The following MYO5A variants were observed in gnomAD, a reference collection of about 807,000 sequenced individuals.
The protein encoded by MYO5A is unconventional myosin-Va.
MYO5A carries 98 observed loss-of-function variants against 249.7 expected under a neutral mutation model. The ratio of observed to expected loss-of-function variants is 0.39; its 90% CI spans 0.33 to 0.46. MYO5A has a LOEUF of 0.46. Among genes scored for constraint, MYO5A ranks in the 20% least tolerant of loss-of-function variants. The pLI, the probability that MYO5A is intolerant of heterozygous loss-of-function variation, is 0.98. For missense variants in MYO5A, 1,696 were observed against 2,308.8 expected (o/e 0.73, Z 5.44); for synonymous variants, 778 against 810.6 (o/e 0.96, Z 0.68).
At chr15:52,489,410 A>G (rs1407802777) in intron 1 of MYO5A, among the ~76,000 whole-genome samples, 1 of 152,088 alleles carries the variant, frequency 6.6e-6, no homozygotes, top group East Asian at 1.9e-4. Flanking sequence ...TAAAAATACA[A>G]AAAATTAGCC....
At chr15:52,337,510 C>G (rs950211937) in intron 33 of MYO5A, among the ~76,000 whole-genome samples, 1 of 152,230 alleles carries the variant, frequency 6.6e-6, no homozygotes. Context: ...TTAAAGGGAA[C>G]AGTTGCTATC....
intron 1 of MYO5A, among the ~76,000 whole-genome samples, chr15:52,507,884 T>C (rs1373705507): frequency 6.6e-6 from 1 of 151,106 alleles, no homozygotes; most frequent in East Asian, 1.9e-4. Flanking sequence ...TAGATTTTTA[T>C]AAATTATTTA....
rs2038684812 is a variant in MYO5A, at chr15:52,327,891, C to G, written c.4671G>C (p.Leu1557Phe). Residue 1557 changes from leucine (L) to phenylalanine (F), a missense_variant, in exon 36 of 42, where the codon TTG becomes TTC. Physicochemically the swap from Leu to Phe is conservative, Grantham distance 22 (BLOSUM62 0). Coordinates refer to ENST00000399233, the MANE Select transcript of MYO5A (RefSeq NM_001382347.1). ...YLNDDQKVRS[L>F]LTSTINSIKK... ...TGATGCTGTTAATTGTTGATGTTAG[C>G]AACGACCTTACTTTCTGATCATCAT... is the stretch of plus-strand genomic sequence containing the variant. 6.2e-7 allele frequency: 1 copy of G among 1,613,946 alleles called. No individual in the cohort carries two copies. Among genetic ancestry groups the G allele is most frequent in the Non-Finnish European group, 8.5e-7 (1 of 1,179,888 alleles).
rs2041758652 is a variant in MYO5A at position 52,381,893 on chromosome 15, CTTTTTCTTTTCCT to C, written c.2012+1185_2012+1197del. On this transcript the variant is annotated intron_variant, in intron 16 of 41. Transcript: ENST00000399233. ...GTTATCTCTCTGGGTATGATGGATG[CTTTTTCTTTTCCT>C]TTTTTCTTTTTTTGAGACGAAGTCT... 2.0e-5 allele frequency among the ~76,000 whole-genome samples: 3 copies of C among 151,984 alleles called. No individual in the cohort carries two copies. In the South Asian group the frequency reaches 6.2e-4, roughly 31 times the overall value.
In MYO5A at chr15:52,340,397, G is replaced by A; in HGVS notation, c.4041-3C>T. 1 of 1,611,492 alleles carries A rather than the reference G, an allele frequency of 6.2e-7. No individual in the cohort carries two copies. ...ACTGCAGCTGGGATTCCAGGAGCCTGCGGAGAGGACACATGGGTCGGAAGG... is the reference window on the plus strand; with the variant it reads ...ACTGCAGCTGGGATTCCAGGAGCCTACGGAGAGGACACATGGGTCGGAAGG... On this transcript the variant is annotated splice_polypyrimidine_tract_variant and splice_region_variant and intron_variant, in intron 31 of 41. Coordinates refer to ENST00000399233, the MANE Select transcript of MYO5A (RefSeq NM_001382347.1).
chr15:52,360,635 C>G (rs28462026), intron 24 of MYO5A, among the ~76,000 whole-genome samples: 2 of 151,980 alleles, frequency 1.3e-5, no homozygotes, highest in African/African-American at 2.4e-5. Context: ...GGACAGTACA[C>G]GGGAGGTAAG....
At chr15:52,468,640 A>G (rs1226009280) in intron 1 of MYO5A, among the ~76,000 whole-genome samples, 4 of 152,250 alleles carry the variant, frequency 2.6e-5, no homozygotes, top group Non-Finnish European at 5.9e-5. Flanking sequence ...AGTGCACTCC[A>G]GCCTTGGTGA....
At chr15:52,398,305 GAGT>G (rs1262198463) in intron 9 of MYO5A, among the ~76,000 whole-genome samples, 2 of 152,186 alleles carry the variant, frequency 1.3e-5, no homozygotes, top group African/African-American at 4.8e-5. Flanking sequence ...AGACTTGCAT[GAGT>G]AGATGTTTGA....
At chr15:52,431,682 T>A (rs867543495) in intron 2 of MYO5A, among the ~76,000 whole-genome samples, 9 of 20,176 alleles carry the variant, frequency 4.5e-4, no homozygotes, top group African/African-American at 9.7e-4. Context: ...AAGTGCTATA[T>A]CTAAAAAAAA....
At chr15:52,457,583 G>A (rs1222727611) in intron 1 of MYO5A, among the ~76,000 whole-genome samples, 2 of 152,140 alleles carry the variant, frequency 1.3e-5, no homozygotes, top group African/African-American at 4.8e-5. Flanking sequence ...CCGTTAGAAT[G>A]ACTTTTATCA....
intron 1 of MYO5A, among the ~76,000 whole-genome samples, chr15:52,479,574 C>A (rs527365961): frequency 1.3e-5 from 2 of 151,834 alleles, no homozygotes; most frequent in Non-Finnish European, 2.9e-5. Flanking sequence ...TAATGGAATA[C>A]TTAAAAAAAA....
intron 1 of MYO5A, among the ~76,000 whole-genome samples, chr15:52,486,137 C>T (rs562654727): frequency 1.3e-5 from 2 of 152,172 alleles, no homozygotes; most frequent in East Asian, 1.9e-4. Flanking sequence ...CTCTTACAAG[C>T]GAGGTTCTGC....
chr15:52,437,949 AC>A (rs2075702450), intron 1 of MYO5A: 1 of 840,298 alleles, frequency 1.2e-6, no homozygotes, highest in Non-Finnish European at 1.4e-6. Flanking sequence ...CACCCTGATA[AC>A]CAATTTCCTC....
chr15:52,473,581 AG>A (rs2076525177), intron 1 of MYO5A, among the ~76,000 whole-genome samples: 1 of 152,208 alleles, frequency 6.6e-6, no homozygotes, highest in African/African-American at 2.4e-5. Flanking sequence ...ATAAGGTGTA[AG>A]GAAGGGATCC....
At chr15:52,376,080 C>T (rs2041396713) in intron 19 of MYO5A, among the ~76,000 whole-genome samples, 1 of 152,192 alleles carries the variant, frequency 6.6e-6, no homozygotes, top group Non-Finnish European at 1.5e-5. Context: ...TACATGATTT[C>T]CTCAAGCCCA....
chr15:52,403,156 G>T (rs1382516274), intron 9 of MYO5A, among the ~76,000 whole-genome samples: 1 of 152,176 alleles, frequency 6.6e-6, no homozygotes. Context: ...CATTAGTCAT[G>T]ACTTTCTTGA....
chr15:52,528,710 C>A, intron 1 of MYO5A, 70 bp downstream of exon 1: 1 of 1,470,354 alleles, frequency 6.8e-7, no homozygotes, highest in Non-Finnish European at 9.0e-7. Flanking sequence ...CCCGCCCCCT[C>A]CCCAGCCTGA....
chr15:52,527,089 T>G (rs951746921), intron 1 of MYO5A, among the ~76,000 whole-genome samples: 4 of 152,218 alleles, frequency 2.6e-5, no homozygotes, highest in Admixed American at 6.5e-5. Flanking sequence ...TGGGGCACAT[T>G]CAAAGCCGTC....
intron 1 of MYO5A, among the ~76,000 whole-genome samples, chr15:52,495,210 C>CTACT (rs1169311165): frequency 3.3e-5 from 5 of 152,156 alleles, no homozygotes; most frequent in Non-Finnish European, 5.9e-5. Context: ...CAATAGAATA[C>CTACT]TACTAATCAG....
Sources: gnomAD v4.1 joint callset for allele counts (sites outside exome capture counted in the v4.1 genomes callset) on GRCh38, gnomAD v4.1.1 for gene constraint, MANE v1.5 for transcripts, NCBI Gene and HGNC (gene_info 2026-07-23, HGNC 2026-07-21) for gene names.